Variants in MCTP1 observed in about 807,000 individuals in gnomAD.
MCTP1 encodes the protein multiple C2 and transmembrane domain containing 1.
MCTP1 carries 69 observed loss-of-function variants against 120.6 expected under a neutral mutation model. That is an observed-to-expected ratio of 0.57 (90% CI 0.47 to 0.70). MCTP1 has a LOEUF of 0.70. Among genes scored for constraint, MCTP1 ranks in the 30% least tolerant of loss-of-function variants. MCTP1 has a pLI of 0.00. For synonymous variants in MCTP1, 529 were observed against 493.1 expected (o/e 1.07, Z -0.96); for missense variants, 1,203 against 1,248.8 (o/e 0.96, Z 0.55).
intron 1 of MCTP1, among the ~76,000 whole-genome samples, chr5:95,200,322 A>G (rs1750873489): frequency 6.6e-6 from 1 of 152,202 alleles, no homozygotes; most frequent in African/African-American, 2.4e-5. Context: ...GAACTGCCAT[A>G]TGATCCAGCA....
intron 1 of MCTP1, among the ~76,000 whole-genome samples, chr5:95,178,779 C>A (rs763744730): frequency 1.3e-5 from 2 of 152,104 alleles, no homozygotes; most frequent in Non-Finnish European, 2.9e-5. Flanking sequence ...CTTTAACATC[C>A]CCAAAAGACC....
At chr5:95,261,407 T>C (rs1758460411) in intron 1 of MCTP1, among the ~76,000 whole-genome samples, 2 of 152,352 alleles carry the variant, frequency 1.3e-5, no homozygotes, top group African/African-American at 4.8e-5. Context: ...CCTCCCACAT[T>C]AGCATTTGGT....
intron 17 of MCTP1, among the ~76,000 whole-genome samples, chr5:94,843,279 G>A (rs1291350368): frequency 6.6e-6 from 1 of 152,084 alleles, no homozygotes; most frequent in Non-Finnish European, 1.5e-5. Context: ...TTAGGGAATG[G>A]CAAACAAGTA....
At chr5:95,021,573 A>G (rs1271994800) in intron 1 of MCTP1, among the ~76,000 whole-genome samples, 1 of 151,874 alleles carries the variant, frequency 6.6e-6, no homozygotes, top group Admixed American at 6.6e-5. Flanking sequence ...TTTTGTTTCT[A>G]TTGTAAAAGG....
intron 1 of MCTP1, among the ~76,000 whole-genome samples, chr5:95,148,877 G>T (rs536089944): frequency 5.9e-5 from 9 of 152,088 alleles, no homozygotes; most frequent in Non-Finnish European, 1.2e-4. Flanking sequence ...GTGCTTTCAG[G>T]TGGCCAAAGA....
At chr5:94,925,351 T>C (rs1487101176) in intron 6 of MCTP1, among the ~76,000 whole-genome samples, 1 of 152,106 alleles carries the variant, frequency 6.6e-6, no homozygotes, top group African/African-American at 2.4e-5. Flanking sequence ...TTGTAGATAT[T>C]TAGTTACGCT....
At chr5:94,943,962 GCCCAGCACT>G (rs1298411598) in intron 3 of MCTP1, among the ~76,000 whole-genome samples, 1 of 152,066 alleles carries the variant, frequency 6.6e-6, no homozygotes, top group Admixed American at 6.6e-5. Context: ...TGAATCAACA[GCCCAGCACT>G]CCTATGCTCA....
intron 2 of MCTP1, chr5:94,979,115 G>A (rs987855584): frequency 7.9e-5 from 12 of 152,016 alleles, no homozygotes; most frequent in Non-Finnish European, 1.2e-4. Flanking sequence ...CAGTTGCCAC[G>A]GAGAACAACA....
chr5:94,790,267 G>T (rs1204207326), intron 18 of MCTP1, among the ~76,000 whole-genome samples: 1 of 152,180 alleles, frequency 6.6e-6, no homozygotes, highest in Admixed American at 6.5e-5. Flanking sequence ...AGTACTTACT[G>T]GTCCCAGAGA....
chr5:94,776,430 C>T lies in MCTP1; in HGVS notation c.2610+2680G>A, dbSNP rs989536712. ...AAACAGGTGCTCTCATTCTGTGCCA[C>T]GTAATACCCCATTTACCCCCAAGTC... is the stretch of plus-strand genomic sequence containing the variant. On this transcript the variant is annotated intron_variant, in intron 19 of 22. Transcript: ENST00000515393. Among the ~76,000 whole-genome samples, 5 of 152,198 alleles carry T rather than the reference C, an allele frequency of 3.3e-5. No homozygotes were observed. In the East Asian group the frequency reaches 5.8e-4, roughly 18 times the overall value.
intron 19 of MCTP1, among the ~76,000 whole-genome samples, chr5:94,731,378 T>C (rs1763102166): frequency 6.6e-6 from 1 of 152,206 alleles, no homozygotes; most frequent in Non-Finnish European, 1.5e-5. Flanking sequence ...CAATTAGTCC[T>C]GAATTTTTTA....
At chr5:94,822,032 ATT>A (rs939205084) in intron 17 of MCTP1, among the ~76,000 whole-genome samples, 16 of 152,018 alleles carry the variant, frequency 1.1e-4, no homozygotes, top group African/African-American at 3.9e-4. Context: ...TTGCCATTAA[ATT>A]TTTTTTGCAT....
At chr5:94,958,384 C>A (rs189723685) in intron 2 of MCTP1, among the ~76,000 whole-genome samples, 2,238 of 152,018 alleles carry the variant, frequency 0.015, 36 homozygotes, top group Non-Finnish European at 0.021. Context: ...CAAACAAATT[C>A]AAAAGCTAGC....
chr5:94,752,108 A>AATATATATATATATATATAT lies in MCTP1; in HGVS notation c.2610+26982_2610+27001dup, dbSNP rs146434254. Among the ~76,000 whole-genome samples, 390 of 75,644 alleles carry AATATATATATATATATATAT rather than the reference A, an allele frequency of 5.2e-3. 19 individuals are homozygous for AATATATATATATATATATAT. Among genetic ancestry groups the AATATATATATATATATATAT allele is most frequent in the Middle Eastern group, 8.5e-3 (1 of 118 alleles). 49.6% of individuals were successfully genotyped at this position (75,644 alleles called of 152,430 possible). On this transcript the variant is annotated intron_variant, in intron 19 of 22. Transcript: ENST00000515393. ...ATGTACCCTAAAACTTAAATAATAA[A>AATATATATATATATATATAT]ATATATATATATATATATATATATA...
chr5:94,768,414 T>C (rs929358564), intron 19 of MCTP1, among the ~76,000 whole-genome samples: 2 of 152,092 alleles, frequency 1.3e-5, no homozygotes, highest in Non-Finnish European at 2.9e-5. Context: ...AGGACTATAT[T>C]AGACTAAACA....
chr5:94,892,683 A>G (rs1476966555), intron 11 of MCTP1, among the ~76,000 whole-genome samples: 1 of 152,186 alleles, frequency 6.6e-6, no homozygotes, highest in African/African-American at 2.4e-5. Flanking sequence ...GAGTGGGGGC[A>G]ATTTATTTGC....
chr5:94,890,878 T>A (rs1802428807), intron 11 of MCTP1, among the ~76,000 whole-genome samples: 2 of 152,224 alleles, frequency 1.3e-5, no homozygotes, highest in African/African-American at 4.8e-5. Context: ...TTCTACTCTG[T>A]AAATCAAAGG....
intron 1 of MCTP1, among the ~76,000 whole-genome samples, chr5:95,029,854 A>C (rs562328099): frequency 6.6e-6 from 1 of 152,284 alleles, no homozygotes; most frequent in South Asian, 2.1e-4. Flanking sequence ...ACTGCCTTGC[A>C]TGTGGTTTCT....
Position 94,845,018 on chromosome 5 carries a change from T to C in MCTP1, c.2436+23315A>G, listed in dbSNP as rs116920599. 3.8e-3 allele frequency among the ~76,000 whole-genome samples: 573 copies of C among 152,008 alleles called. 13 individuals are homozygous for C. In the East Asian group the frequency reaches 0.062, roughly 17 times the overall value. On this transcript the variant is annotated intron_variant, in intron 17 of 22. Transcript: ENST00000515393. Reference sequence around the variant, plus strand: ...AGAGCTTCTGCACAACAAAACAAACTATCAACAGAATAAACAGACAACGTA... The same window carrying C: ...AGAGCTTCTGCACAACAAAACAAACCATCAACAGAATAAACAGACAACGTA...
Sources: gnomAD v4.1 joint callset for allele counts (sites outside exome capture counted in the v4.1 genomes callset) on GRCh38, gnomAD v4.1.1 for gene constraint, MANE v1.5 for transcripts, NCBI Gene and HGNC (gene_info 2026-07-23, HGNC 2026-07-21) for gene names.